GFOD1: variants seen among roughly 807,000 people sequenced by gnomAD.
GFOD1 encodes Gfo/Idh/MocA-like oxidoreductase domain containing 1.
Under a neutral mutation model 25.4 loss-of-function variants are expected in GFOD1, and 9 were observed. The ratio of observed to expected loss-of-function variants is 0.35; its 90% confidence interval spans 0.21 to 0.62. The LOEUF (loss-of-function observed/expected upper bound fraction) is 0.62. Among genes scored for constraint, GFOD1 ranks in the 20% least tolerant of loss-of-function variants. The probability of loss-of-function intolerance (pLI) is 0.72; values close to 1 mark genes in which losing one functional copy is unlikely to be tolerated. For missense variants in GFOD1, 403 were observed against 556.9 expected (o/e 0.72, Z 2.78); for synonymous variants, 253 against 245.6 (o/e 1.03, Z -0.28).
chr6:13,387,301 A>G (rs141444489), intron 1 of GFOD1, among the ~76,000 whole-genome samples: 8 of 152,356 alleles, frequency 5.3e-5, no homozygotes, highest in African/African-American at 1.9e-4. Flanking sequence ...AAAGCCAGGC[A>G]GAGACACAAC....
intron 1 of GFOD1, among the ~76,000 whole-genome samples, chr6:13,405,448 C>T (rs903778645): frequency 7.2e-5 from 11 of 152,130 alleles, no homozygotes; most frequent in Admixed American, 5.9e-4. Context: ...GTATTTGAAA[C>T]CCAGTGTATG....
Position 13,487,022 on chromosome 6 carries a change from C to T in GFOD1, c.-132G>A, listed in dbSNP as rs1758888496. 7 of 1,143,520 alleles carry T rather than the reference C, an allele frequency of 6.1e-6. No individual in the cohort carries two copies. In the African/African-American group the frequency reaches 1.1e-4, roughly 18 times the overall value. The allele number at this position is 1,143,520 out of a possible 1,614,324, so 70.8% of individuals were successfully genotyped here. A position where few individuals can be genotyped will look rare whatever the true frequency, so the allele number is the denominator to read the frequency against. On this transcript the variant is annotated 5_prime_UTR_variant, in exon 1 of 2. Coordinates refer to ENST00000379287, the MANE Select transcript of GFOD1 (RefSeq NM_018988.4). This position sits in a 1 kb window ranked among gnomAD's most constrained non-coding sequence, Gnocchi z 4.9. ...CCGCGGTGCGCCAGCCGCCGTGCACCGGGCAAGGCGCCCGGGTGCCCAGAG... is the reference window on the plus strand; with the variant it reads ...CCGCGGTGCGCCAGCCGCCGTGCACTGGGCAAGGCGCCCGGGTGCCCAGAG...
chr6:13,388,577 T>G (rs1192812572), intron 1 of GFOD1, among the ~76,000 whole-genome samples: 1 of 152,208 alleles, frequency 6.6e-6, no homozygotes, highest in Non-Finnish European at 1.5e-5. Flanking sequence ...AAGCTAAAAC[T>G]GGATCTCTTC....
intron 1 of GFOD1, chr6:13,470,389 A>T: frequency 6.5e-7 from 1 of 1,549,652 alleles, no homozygotes; most frequent in Non-Finnish European, 8.7e-7. Context: ...CTCCAGGGAA[A>T]GCCAGGCTGC....
intron 1 of GFOD1, among the ~76,000 whole-genome samples, chr6:13,408,912 C>T (rs1171643531): frequency 6.6e-6 from 1 of 151,566 alleles, no homozygotes; most frequent in African/African-American, 2.4e-5. Flanking sequence ...ATGGTGAAAC[C>T]CCCTCTCTAC....
chr6:13,364,617 T>G lies in GFOD1; in HGVS notation c.*126A>C. The G allele has an allele frequency of 1.3e-6, 1 of 789,512 alleles. No individual in the cohort carries two copies. Among genetic ancestry groups the G allele is most frequent in the Non-Finnish European group, 2.0e-6 (1 of 505,390 alleles). 48.9% of individuals were successfully genotyped at this position (789,512 alleles called of 1,614,324 possible). On this transcript the variant is annotated 3_prime_UTR_variant, in exon 2 of 2. Coordinates refer to ENST00000379287, the MANE Select transcript of GFOD1 (RefSeq NM_018988.4). The surrounding 1 kb of genome is among the most constrained non-coding windows in gnomAD (Gnocchi z 4.1). ...TGGAGTTTACCTTCCTAGATGCCATTTATTCACACTGTCCCTCCACCTCCC... is the reference window on the plus strand; with the variant it reads ...TGGAGTTTACCTTCCTAGATGCCATGTATTCACACTGTCCCTCCACCTCCC...
At chr6:13,374,232 C>A (rs918471200) in intron 1 of GFOD1, among the ~76,000 whole-genome samples, 1 of 149,628 alleles carries the variant, frequency 6.7e-6, no homozygotes, top group South Asian at 2.1e-4. Flanking sequence ...GATTGTCTGG[C>A]TACAAAGCCA....
At chr6:13,369,235 A>G (rs1312798397) in intron 1 of GFOD1, among the ~76,000 whole-genome samples, 1 of 152,218 alleles carries the variant, frequency 6.6e-6, no homozygotes, top group Non-Finnish European at 1.5e-5. Flanking sequence ...TGCAACATTC[A>G]TGCTTTACAG....
chr6:13,468,199 G>C (rs543866538), intron 1 of GFOD1, among the ~76,000 whole-genome samples: 1 of 152,028 alleles, frequency 6.6e-6, no homozygotes, highest in East Asian at 1.9e-4. Context: ...GTGTGTGTGC[G>C]TGTGTGTGAT....
chr6:13,429,457 A>T (rs1386587071), intron 1 of GFOD1, among the ~76,000 whole-genome samples: 2 of 152,274 alleles, frequency 1.3e-5, no homozygotes, highest in Non-Finnish European at 2.9e-5. Flanking sequence ...AATTTCAGAC[A>T]CAGGGAGAGG....
intron 1 of GFOD1, among the ~76,000 whole-genome samples, chr6:13,399,017 T>C (rs1041896009): frequency 1.3e-5 from 2 of 152,148 alleles, no homozygotes; most frequent in African/African-American, 4.8e-5. Flanking sequence ...CAGATTTTGT[T>C]GTTTTGTTTT....
At chr6:13,410,521 A>G (rs1238475393) in intron 1 of GFOD1, among the ~76,000 whole-genome samples, 2 of 150,660 alleles carry the variant, frequency 1.3e-5, no homozygotes, top group African/African-American at 4.9e-5. Flanking sequence ...GAGCTTAGAT[A>G]GCATCATTGC....
At chr6:13,448,733 A>G (rs896397595) in intron 1 of GFOD1, among the ~76,000 whole-genome samples, 2 of 152,168 alleles carry the variant, frequency 1.3e-5, no homozygotes, top group African/African-American at 2.4e-5. Flanking sequence ...GCACCACTAA[A>G]CCACCAAGGA....
At chr6:13,433,562 T>C (rs1437283164) in intron 1 of GFOD1, among the ~76,000 whole-genome samples, 2 of 152,148 alleles carry the variant, frequency 1.3e-5, no homozygotes, top group Non-Finnish European at 2.9e-5. Context: ...AAATATTCCC[T>C]GGAGGGCAAA....
chr6:13,431,229 C>T (rs760279570), intron 1 of GFOD1, among the ~76,000 whole-genome samples: 15 of 152,292 alleles, frequency 9.8e-5, no homozygotes, highest in South Asian at 2.1e-4. Context: ...GTGTACCACA[C>T]GGTTATGGTG....
intron 1 of GFOD1, among the ~76,000 whole-genome samples, chr6:13,383,885 G>A (rs1045578319): frequency 2.0e-5 from 3 of 152,108 alleles, no homozygotes; most frequent in African/African-American, 7.2e-5. Context: ...AATGTTAATG[G>A]GCCTACATTT....
At position 13,399,501 on chromosome 6, in the gene GFOD1, T is replaced by TA. The variant is rs529014163; in HGVS notation, c.254-33840dup. 7.2e-5 allele frequency among the ~76,000 whole-genome samples: 11 copies of TA among 152,106 alleles called. No individual in the cohort carries two copies. In the South Asian group the frequency reaches 2.3e-3, roughly 32 times the overall value. On this transcript the variant is annotated intron_variant, in intron 1 of 1. Coordinates refer to ENST00000379287, the MANE Select transcript of GFOD1 (RefSeq NM_018988.4). ...CAACATCCAACAGCAGCTGAATAGA[T>TA]AAATAAATTGTGATACCTTCATAAA... is the stretch of plus-strand genomic sequence containing the variant.
chr6:13,438,540 ATGAC>A (rs1293427694), intron 1 of GFOD1, among the ~76,000 whole-genome samples: 1 of 152,116 alleles, frequency 6.6e-6, no homozygotes, highest in Non-Finnish European at 1.5e-5. Flanking sequence ...GAAAAACTGA[ATGAC>A]TAGTCTCTCA....
chr6:13,474,719 A>G (rs1336667874), intron 1 of GFOD1, among the ~76,000 whole-genome samples: 1 of 152,212 alleles, frequency 6.6e-6, no homozygotes, highest in Non-Finnish European at 1.5e-5. Context: ...CTAAAAATAA[A>G]TGGAAAAAAA....
Sources: gnomAD v4.1 joint callset for allele counts (sites outside exome capture counted in the v4.1 genomes callset) on GRCh38, gnomAD v4.1.1 for gene constraint, Gnocchi (gnomAD v3.1) non-coding constraint, MANE v1.5 for transcripts, NCBI Gene and HGNC (gene_info 2026-07-23, HGNC 2026-07-21) for gene names.